The following HORMAD2 variants were observed in gnomAD, a reference collection of about 807,000 sequenced individuals.
HORMAD2 encodes HORMA domain-containing protein 2.
Under a neutral mutation model 38.8 loss-of-function variants are expected in HORMAD2, and 45 were observed. That is an observed-to-expected ratio of 1.16 (90% CI 0.91 to 1.49). The LOEUF is 1.49. Ranked by LOEUF, HORMAD2 falls within the 40% of genes most tolerant of loss-of-function variation. The pLI is 0.00. For missense variants in HORMAD2, 338 were observed against 367.0 expected, an observed-to-expected ratio of 0.92 and a Z score of 0.65; for synonymous variants, 126 against 122.8, an observed-to-expected ratio of 1.03 and a Z score of -0.17.
chr22:30,193,752 C>T, the HORMAD2 span, among the ~76,000 whole-genome samples: 32 of 152,354 alleles, frequency 2.1e-4, no homozygotes, highest in African/African-American at 7.2e-4. Context: ...GCTTCTGACA[C>T]AGGGCTACCT....
intron 5 of HORMAD2, among the ~76,000 whole-genome samples, chr22:30,111,330 A>C (rs1415397193): frequency 1.3e-5 from 2 of 151,944 alleles, no homozygotes; most frequent in African/African-American, 4.8e-5. Flanking sequence ...TACTGAAAAT[A>C]CAAAAATTAG....
intron 10 of HORMAD2, among the ~76,000 whole-genome samples, chr22:30,127,722 A>T (rs1446363993): frequency 6.6e-6 from 1 of 152,216 alleles, no homozygotes; most frequent in African/African-American, 2.4e-5. Context: ...TATAGACATG[A>T]ATATCCTACA....
chr22:30,136,397 C>A (rs1004132541), intron 10 of HORMAD2, among the ~76,000 whole-genome samples: 2 of 152,082 alleles, frequency 1.3e-5, no homozygotes, highest in African/African-American at 4.8e-5. Flanking sequence ...TCACTACAGT[C>A]AAAATTTTAG....
At chr22:30,139,730 C>T (rs1389880414) in intron 10 of HORMAD2, among the ~76,000 whole-genome samples, 2 of 151,578 alleles carry the variant, frequency 1.3e-5, no homozygotes, top group African/African-American at 4.9e-5. Context: ...TTTAGGTGCC[C>T]TTTGTTATGT....
chr22:30,103,968 T>C (rs968184813), intron 4 of HORMAD2, among the ~76,000 whole-genome samples: 1 of 152,142 alleles, frequency 6.6e-6, no homozygotes, highest in African/African-American at 2.4e-5. Flanking sequence ...CTACTTTCCC[T>C]CTTTCTTTTT....
intron 10 of HORMAD2, among the ~76,000 whole-genome samples, chr22:30,152,617 C>G (rs901400574): frequency 1.3e-5 from 2 of 152,208 alleles, no homozygotes; most frequent in Non-Finnish European, 2.9e-5. Context: ...AAGTGTGAAC[C>G]ATCACACCCA....
chr22:30,148,146 T>C (rs1330950136), intron 10 of HORMAD2, among the ~76,000 whole-genome samples: 1 of 152,144 alleles, frequency 6.6e-6, no homozygotes, highest in Non-Finnish European at 1.5e-5. Context: ...GTACAGTGAA[T>C]TATTACTAGC....
In HORMAD2 at chr22:30,098,832, C is replaced by A; in HGVS notation, c.52-20C>A. 6.3e-7 allele frequency: 1 copy of A among 1,596,736 alleles called. No individual in the cohort carries two copies. Among genetic ancestry groups the A allele is most frequent in the Admixed American group, 1.8e-5 (1 of 56,972 alleles). ...ATATTAAATAATACTAATCTTTTTT[C>A]ACCTCCGTTGTTTTTCCAGGAAACA... On this transcript the variant is annotated intron_variant, in intron 2 of 10. Transcript: ENST00000336726.
In HORMAD2 at chr22:30,121,859, T is replaced by G. The variant is rs1243775724; in HGVS notation, c.568+70T>G. The stretch of plus-strand genomic sequence containing the variant: ...AATATTTTCTATAAGTAAAAGGATT[T>G]TGCAGGCATCTGAAAGAGAAGTCTG... On this transcript the variant is annotated intron_variant, in intron 9 of 10. Transcript: ENST00000336726. The G allele has an allele frequency of 1.9e-6, 3 of 1,544,410 alleles. No homozygotes were observed. In the African/African-American group the frequency reaches 4.1e-5, roughly 21 times the overall value.
At chr22:30,158,194 A>G (rs1925202772) in intron 10 of HORMAD2, among the ~76,000 whole-genome samples, 1 of 152,148 alleles carries the variant, frequency 6.6e-6, no homozygotes, top group African/African-American at 2.4e-5. Context: ...AAATATTTCC[A>G]CAAAAGAGGA....
chr22:30,141,973 G>C (rs138750827), intron 10 of HORMAD2, among the ~76,000 whole-genome samples: 170 of 152,172 alleles, frequency 1.1e-3, no homozygotes, highest in African/African-American at 3.7e-3. Context: ...TTACGGGCTG[G>C]GTGCGATAGC....
chr22:30,184,986 AAGTCTCTT>A, the HORMAD2 span, among the ~76,000 whole-genome samples: 1 of 152,188 alleles, frequency 6.6e-6, no homozygotes, highest in African/African-American at 2.4e-5. Flanking sequence ...ATTTCTGGAC[AAGTCTCTT>A]AGTTCTCTAT....
At position 30,130,492 on chromosome 22, in the gene HORMAD2, G is replaced by A. The variant is rs1923197663; in HGVS notation, c.819+8278G>A. On this transcript the variant is annotated intron_variant, in intron 10 of 10. Coordinates refer to ENST00000336726, the MANE Select transcript of HORMAD2 (RefSeq NM_152510.4). Reference sequence around the variant, plus strand: ...GAATCCCGGGACAATACAGGGTTCAGTAAGCCTGTCTGAAAAACGCTGTCC... The same window carrying A: ...GAATCCCGGGACAATACAGGGTTCAATAAGCCTGTCTGAAAAACGCTGTCC... 4.6e-5 allele frequency among the ~76,000 whole-genome samples: 7 copies of A among 151,806 alleles called. 1 individual carries two copies. The South Asian group carries it at 1.5e-3, about 31-fold the overall frequency.
At chr22:30,142,055 G>C (rs944882496) in intron 10 of HORMAD2, among the ~76,000 whole-genome samples, 1 of 152,050 alleles carries the variant, frequency 6.6e-6, no homozygotes, top group African/African-American at 2.4e-5. Flanking sequence ...TTTGAGACTA[G>C]CCTGAGCAAC....
At chr22:30,102,595 G>A (rs909626467) in intron 3 of HORMAD2, among the ~76,000 whole-genome samples, 3 of 152,138 alleles carry the variant, frequency 2.0e-5, no homozygotes, top group Admixed American at 2.0e-4. Flanking sequence ...ACATAAATCA[G>A]TGATTGATCT....
At chr22:30,167,512 T>G (rs922651042) in intron 10 of HORMAD2, among the ~76,000 whole-genome samples, 14 of 152,170 alleles carry the variant, frequency 9.2e-5, no homozygotes, top group African/African-American at 3.4e-4. Flanking sequence ...TACCAAGTGC[T>G]CTATCTGTGC....
At chr22:30,192,276 C>T in the HORMAD2 span, 1 of 152,284 alleles carries the variant, frequency 6.6e-6, no homozygotes, top group African/African-American at 2.4e-5. Context: ...TAACGTATAC[C>T]TCAGAGCAGA....
intron 10 of HORMAD2, chr22:30,137,812 T>G (rs929260541): frequency 2.6e-5 from 4 of 152,334 alleles, no homozygotes; most frequent in Non-Finnish European, 5.9e-5. Context: ...TGTCTATCCA[T>G]GTATTAGTGA....
intron 10 of HORMAD2, among the ~76,000 whole-genome samples, chr22:30,156,562 C>A (rs1925089933): frequency 2.0e-5 from 3 of 152,168 alleles, no homozygotes; most frequent in Admixed American, 1.3e-4. Flanking sequence ...AGTTCATGAA[C>A]CTTACATTTT....
Sources: gnomAD v4.1 joint callset for allele counts (sites outside exome capture counted in the v4.1 genomes callset) on GRCh38, gnomAD v4.1.1 for gene constraint, MANE v1.5 for transcripts, NCBI Gene and HGNC (gene_info 2026-07-23, HGNC 2026-07-21) for gene names.